Variants in DGKZ observed in about 807,000 individuals in gnomAD.
DGKZ encodes DAG kinase zeta.
A neutral mutation model predicts 142.5 loss-of-function variants in DGKZ; 45 were observed. The observed-to-expected ratio is 0.32, with a 90% CI of 0.25 to 0.40. The LOEUF (loss-of-function observed/expected upper bound fraction) is 0.40. DGKZ is among the 10% of genes least tolerant of loss of function. The pLI is 1.00. For missense variants in DGKZ, 755 were observed against 1,306.5 expected (o/e 0.58, Z 6.51); for synonymous variants, 442 against 527.0 (o/e 0.84, Z 2.21).
At chr11:46,336,423 TA>T (rs981863451) in intron 1 of DGKZ, among the ~76,000 whole-genome samples, 1 of 152,158 alleles carries the variant, frequency 6.6e-6, no homozygotes, top group Non-Finnish European at 1.5e-5. Context: ...TGGTTTCCAA[TA>T]AGTCATAAAA....
At chr11:46,376,477 G>A (rs1046498912) in intron 23 of DGKZ, 47 bp from the exon 24 acceptor site, 2 of 1,613,754 alleles carry the variant, frequency 1.2e-6, no homozygotes, top group African/African-American at 2.7e-5. Flanking sequence ...GAGGACCTGG[G>A]CCTGGACATG....
chr11:46,378,796 C>T, intron 27 of DGKZ, 195 bp from the exon 28 acceptor site: 1 of 991,790 alleles, frequency 1.0e-6, no homozygotes, highest in Admixed American at 2.1e-5. Context: ...TGCCAGAGAG[C>T]CCACAGGCTG....
rs1943979243 is a variant in DGKZ, at chr11:46,371,816, A to G, written c.831+41A>G. ...GGCAGAGGCTGCAGGGGAGCAGGAGAGAGGGGTCTGTTGCTCAGGGTACAG... is the reference window on the plus strand; with the variant it reads ...GGCAGAGGCTGCAGGGGAGCAGGAGGGAGGGGTCTGTTGCTCAGGGTACAG... On this transcript the variant is annotated intron_variant, in intron 9 of 30. Transcript: ENST00000527911. The G allele has an allele frequency of 7.5e-6, 12 of 1,595,258 alleles. 1 individual carries two copies. In the South Asian group the frequency reaches 1.3e-4, roughly 18 times the overall value.
Position 46,367,069 on chromosome 11 carries a change from T to G in DGKZ, c.162-222T>G, listed in dbSNP as rs1210123011. ...CATGGGCCTTGAAGCTCTGCCTGGC[T>G]GAGGGTTCCCCACTTGGGAACACTC... On this transcript the variant is annotated intron_variant, in intron 1 of 30. Transcript: ENST00000527911. This position sits in a 1 kb window ranked among gnomAD's most constrained non-coding sequence, Gnocchi z 4.1. The G allele has an allele frequency of 3.5e-6, 5 of 1,445,012 alleles. No homozygotes were observed. Among genetic ancestry groups the G allele is most frequent in the Non-Finnish European group, 2.8e-6 (3 of 1,088,124 alleles). The allele number at this position is 1,445,012 out of a possible 1,614,324, so 89.5% of individuals were successfully genotyped here.
chr11:46,342,157 C>T (rs916484699), intron 1 of DGKZ, among the ~76,000 whole-genome samples: 1 of 152,178 alleles, frequency 6.6e-6, no homozygotes. Flanking sequence ...CCTGTGTGTA[C>T]CTGGGTGGAT....
chr11:46,367,040 T>C lies in DGKZ; in HGVS notation c.162-251T>C. Reference sequence around the variant, plus strand: ...GGTGTGACCTCCTGTGGGTCTGGCCTGGGCATGGGCCTTGAAGCTCTGCCT... The same window carrying C: ...GGTGTGACCTCCTGTGGGTCTGGCCCGGGCATGGGCCTTGAAGCTCTGCCT... On this transcript the variant is annotated intron_variant, in intron 1 of 30. Transcript: ENST00000527911. The surrounding 1 kb of genome is among the most constrained non-coding windows in gnomAD (Gnocchi z 4.1). 2.0e-6 allele frequency: 3 copies of C among 1,470,292 alleles called. No homozygotes were observed. Among genetic ancestry groups the C allele is most frequent in the Non-Finnish European group, 2.7e-6 (3 of 1,113,150 alleles). The allele number at this position is 1,470,292 out of a possible 1,614,324, so 91.1% of individuals were successfully genotyped here. A position where few individuals can be genotyped will look rare whatever the true frequency, so the allele number is the denominator to read the frequency against.
chr11:46,356,631 G>A (rs1015590758), intron 1 of DGKZ, among the ~76,000 whole-genome samples: 3 of 152,136 alleles, frequency 2.0e-5, no homozygotes, highest in Admixed American at 2.0e-4. Context: ...GGTGCCACGT[G>A]GAAAAGGGAC....
chr11:46,347,374 C>T (rs533927978), upstream of DGKZ: 14 of 984,232 alleles, frequency 1.4e-5, no homozygotes, highest in South Asian at 9.3e-5. The surrounding 1 kb of genome is among the most constrained non-coding windows in gnomAD (Gnocchi z 6.4). Context: ...GCTGCGGGCC[C>T]GGTGCCACCG....
At chr11:46,363,374 GAC>G (rs1410507012) in intron 1 of DGKZ, among the ~76,000 whole-genome samples, 1 of 152,222 alleles carries the variant, frequency 6.6e-6, no homozygotes, top group Non-Finnish European at 1.5e-5. Context: ...AGCCTCCCCA[GAC>G]ACACAGGGAA....
chr11:46,365,621 C>G (rs1943163216), intron 1 of DGKZ: 1 of 985,274 alleles, frequency 1.0e-6, no homozygotes, highest in Admixed American at 6.1e-5. Flanking sequence ...CACCTTCAGC[C>G]TGACCCCAAG....
intron 1 of DGKZ, among the ~76,000 whole-genome samples, chr11:46,363,401 G>T (rs988574616): frequency 6.6e-6 from 1 of 152,202 alleles, no homozygotes; most frequent in South Asian, 2.1e-4. Flanking sequence ...AGGCCCGTGA[G>T]GGGCCAACTT....
intron 1 of DGKZ, among the ~76,000 whole-genome samples, chr11:46,357,521 A>C (rs1385292114): frequency 6.6e-6 from 1 of 152,240 alleles, no homozygotes; most frequent in Non-Finnish European, 1.5e-5. Flanking sequence ...ATGTGGTTAC[A>C]CAAGGTGGAA....
chr11:46,367,471 C>T lies in DGKZ; in HGVS notation c.270+72C>T, dbSNP rs531867838. 1.6e-5 allele frequency: 24 copies of T among 1,514,360 alleles called. No homozygotes were observed. The highest frequency in any genetic ancestry group is 2.3e-5 in the East Asian group (1 of 42,976). The allele number at this position is 1,514,360 out of a possible 1,614,324, so 93.8% of individuals were successfully genotyped here. A position where few individuals can be genotyped will look rare whatever the true frequency, so the allele number is the denominator to read the frequency against. ...CCAAGGCGCAGCTGGCGGGTGGAGG[C>T]ACTAAAGGCAGCTGGGAGAGCCAAG... On this transcript the variant is annotated intron_variant, in intron 2 of 30. Transcript: ENST00000527911. The surrounding 1 kb of genome is among the most constrained non-coding windows in gnomAD (Gnocchi z 4.1).
chr11:46,348,054 T>A (rs1590399053), intron 1 of DGKZ, among the ~76,000 whole-genome samples: 2 of 151,044 alleles, frequency 1.3e-5, no homozygotes, highest in Admixed American at 6.6e-5. Context: ...CGGGTGGGGG[T>A]CATTCCCTGG....
At chr11:46,353,285 C>A (rs960470864) in intron 1 of DGKZ, among the ~76,000 whole-genome samples, 2 of 152,324 alleles carry the variant, frequency 1.3e-5, no homozygotes, top group Middle Eastern at 6.8e-3. Flanking sequence ...GACATTGGGC[C>A]ACTCTACTTA....
chr11:46,338,823 C>T (rs1288875298), intron 1 of DGKZ: 1 of 152,182 alleles, frequency 6.6e-6, no homozygotes. Flanking sequence ...GCGATGATAC[C>T]TTATCAAGAA....
Position 46,372,359 on chromosome 11 carries a change from C to G in DGKZ, c.928-69C>G. 1 of 1,547,554 alleles carries G rather than the reference C, an allele frequency of 6.5e-7. No homozygotes were observed. Among genetic ancestry groups the G allele is most frequent in the Non-Finnish European group, 8.9e-7 (1 of 1,121,366 alleles). ...GGCCCTGGTTCCCACAGTCACACCC[C>G]TCTCCCTCTGCTGCTCCCACTTCGT... On this transcript the variant is annotated intron_variant, in intron 10 of 30. Transcript: ENST00000527911. This position sits in a 1 kb window ranked among gnomAD's most constrained non-coding sequence, Gnocchi z 5.9.
In DGKZ at chr11:46,372,241, G is replaced by A. The variant is rs1944025313; in HGVS notation, c.927+71G>A. 1 of 1,451,812 alleles carries A rather than the reference G, an allele frequency of 6.9e-7. No individual in the cohort carries two copies. Among genetic ancestry groups the A allele is most frequent in the South Asian group, 1.3e-5 (1 of 77,148 alleles). The allele number at this position is 1,451,812 out of a possible 1,614,324, so 89.9% of individuals were successfully genotyped here. A position where few individuals can be genotyped will look rare whatever the true frequency, so the allele number is the denominator to read the frequency against. ...GGGTCCAGCCCGTCTGCCAGCAGCT[G>A]TTCCCAGAGCCCGTTTCTGGCTTCT... On this transcript the variant is annotated intron_variant, in intron 10 of 30. Coordinates refer to ENST00000527911, the Ensembl canonical transcript of DGKZ. This position sits in a 1 kb window ranked among gnomAD's most constrained non-coding sequence, Gnocchi z 5.9.
At chr11:46,347,372 C>G, upstream of DGKZ, 1 of 984,262 alleles carries the variant, frequency 1.0e-6, no homozygotes, top group Non-Finnish European at 1.2e-6. This position sits in a 1 kb window ranked among gnomAD's most constrained non-coding sequence, Gnocchi z 6.4. Flanking sequence ...GCGCTGCGGG[C>G]CCGGTGCCAC....
Sources: gnomAD v4.1 joint callset for allele counts (sites outside exome capture counted in the v4.1 genomes callset) on GRCh38, gnomAD v4.1.1 for gene constraint, Gnocchi (gnomAD v3.1) non-coding constraint, MANE v1.5 for transcripts, NCBI Gene and HGNC (gene_info 2026-07-23, HGNC 2026-07-21) for gene names.